The following MYOM3 variants were observed in gnomAD, a reference collection of about 807,000 sequenced individuals.
MYOM3 encodes the protein myomesin-3.
A neutral mutation model predicts 191.7 loss-of-function variants in MYOM3; 155 were observed. The ratio of observed to expected loss-of-function variants is 0.81; its 90% CI spans 0.71 to 0.92. The LOEUF is 0.92. Ranked by LOEUF, MYOM3 falls within the 40% of genes least tolerant of loss-of-function variation. The pLI is 0.00. For synonymous variants in MYOM3, 757 were observed against 762.9 expected (o/e 0.99, Z 0.13); for missense variants, 1,889 against 1,890.6 (o/e 1.00, Z 0.02).
intron 9 of MYOM3, among the ~76,000 whole-genome samples, chr1:24,093,871 T>C (rs950987515): frequency 3.9e-5 from 6 of 152,160 alleles, no homozygotes; most frequent in African/African-American, 1.4e-4. Flanking sequence ...AGAGGGGCAC[T>C]GTACTCTGGG....
At chr1:24,085,250 A>G (rs569521731) in intron 15 of MYOM3, among the ~76,000 whole-genome samples, 26 of 148,544 alleles carry the variant, frequency 1.8e-4, no homozygotes, top group Non-Finnish European at 3.3e-4. Flanking sequence ...GGATTCATGG[A>G]TGAATAAATG....
chr1:24,076,313 T>C (rs1379879879), intron 20 of MYOM3, 40 bp from the exon 21 acceptor site: 1 of 1,468,822 alleles, frequency 6.8e-7, no homozygotes, highest in African/African-American at 1.4e-5. Context: ...AGGACAGCAG[T>C]GACTCTTCCT....
intron 15 of MYOM3, among the ~76,000 whole-genome samples, 183 bp from the exon 16 acceptor site, chr1:24,084,822 C>T (rs1465558874): frequency 6.6e-6 from 1 of 152,116 alleles, no homozygotes; most frequent in Non-Finnish European, 1.5e-5. Context: ...TCCTAAAAGT[C>T]CTCTCTCCCC....
rs1643310424 is a variant in MYOM3 at position 24,057,085 on chromosome 1, T to G, written c.*279A>C. 2 of 475,848 alleles carry G rather than the reference T, an allele frequency of 4.2e-6. No homozygotes were observed. The highest frequency in any genetic ancestry group is 7.5e-6 in the Non-Finnish European group (2 of 264,908). The allele number at this position is 475,848 out of a possible 1,614,324, so 29.5% of individuals were successfully genotyped here. On this transcript the variant is annotated 3_prime_UTR_variant, in exon 37 of 37. Coordinates refer to ENST00000374434, the MANE Select transcript of MYOM3 (RefSeq NM_152372.4). ...TAGCAGCGTACCTGACCTCTACCTATCAGATGCCAGTACTGTTAGATAGCC... is the reference window on the plus strand; with the variant it reads ...TAGCAGCGTACCTGACCTCTACCTAGCAGATGCCAGTACTGTTAGATAGCC...
chr1:24,080,618 C>G lies in MYOM3; in HGVS notation c.2408-424G>C, dbSNP rs531894302. Among the ~76,000 whole-genome samples, 45 of 152,262 alleles carry G rather than the reference C, an allele frequency of 3.0e-4. 1 individual carries two copies. The South Asian group carries it at 8.1e-3, about 27-fold the overall frequency. On this transcript the variant is annotated intron_variant, in intron 19 of 36. Coordinates refer to ENST00000374434, the MANE Select transcript of MYOM3 (RefSeq NM_152372.4). The stretch of plus-strand genomic sequence containing the variant: ...CTTAGCCTCTTTGTTCCTGTCCCCT[C>G]GTCTGTAAAATGGGGATAATAATAG...
chr1:24,094,781 C>A, intron 9 of MYOM3, 72 bp downstream of exon 9: 2 of 1,454,410 alleles, frequency 1.4e-6, no homozygotes, highest in South Asian at 1.3e-5. Context: ...CGCTAGGGGT[C>A]CTCTCTGGCT....
chr1:24,101,579 T>C (rs1220831530), intron 5 of MYOM3, among the ~76,000 whole-genome samples: 3 of 152,160 alleles, frequency 2.0e-5, no homozygotes, highest in African/African-American at 7.2e-5. Flanking sequence ...AGACCCCATC[T>C]TTACAAAATA....
chr1:24,069,555 C>T (rs77735893), intron 25 of MYOM3, among the ~76,000 whole-genome samples: 1,660 of 151,440 alleles, frequency 0.011, 26 homozygotes, highest in African/African-American at 0.039. Context: ...TGTCATTGGA[C>T]CTTTGATATA....
Position 24,076,657 on chromosome 1 carries a change from G to A in MYOM3, c.2587-384C>T, listed in dbSNP as rs867108893. 6.4e-4 allele frequency among the ~76,000 whole-genome samples: 65 copies of A among 102,100 alleles called. 13 individuals are homozygous for A. The highest frequency in any genetic ancestry group is 2.1e-3 in the African/African-American group (62 of 29,146). 67.0% of individuals were successfully genotyped at this position (102,100 alleles called of 152,430 possible). Reference sequence around the variant, plus strand: ...GCCTCCCAAGTAGCTGGGACTACAGGCGCCCGCCACTACGCCCGGCTAATT... The same window carrying A: ...GCCTCCCAAGTAGCTGGGACTACAGACGCCCGCCACTACGCCCGGCTAATT... On this transcript the variant is annotated intron_variant, in intron 20 of 36. Transcript: ENST00000374434.
At chr1:24,064,811 A>G (rs1259953096) in intron 29 of MYOM3, among the ~76,000 whole-genome samples, 1 of 152,156 alleles carries the variant, frequency 6.6e-6, no homozygotes, top group Non-Finnish European at 1.5e-5. Flanking sequence ...GATCCAAGAC[A>G]GAGGCAGCTC....
chr1:24,056,489 C>T lies in MYOM3; in HGVS notation c.*875G>A, dbSNP rs985080349. The stretch of plus-strand genomic sequence containing the variant: ...GTTCAACGGATTCTCCCACCTCGGC[C>T]TTCTGAATAGCCGGGATTACAGGCA... On this transcript the variant is annotated 3_prime_UTR_variant, in exon 37 of 37. Transcript: ENST00000374434. The T allele has an allele frequency of 6.6e-6, 1 of 152,254 alleles. No homozygotes were observed. The highest frequency in any genetic ancestry group is 6.5e-5 in the Admixed American group (1 of 15,276). The allele number at this position is 152,254 out of a possible 1,614,324, so 9.4% of individuals were successfully genotyped here.
rs1643309077 is a variant in MYOM3, at chr1:24,057,010, C to T, written c.*354G>A. The T allele has an allele frequency of 4.2e-6, 1 of 240,168 alleles. No individual in the cohort carries two copies. Among genetic ancestry groups the T allele is most frequent in the African/African-American group, 2.2e-5 (1 of 44,744 alleles). The allele number at this position is 240,168 out of a possible 1,614,324, so 14.9% of individuals were successfully genotyped here. A position where few individuals can be genotyped will look rare whatever the true frequency, so the allele number is the denominator to read the frequency against. ...ATGGCAGGGCTCATGGCCCTTGGCACTTTTGACATCTGGGGTCGGATAATT... is the reference window on the plus strand; with the variant it reads ...ATGGCAGGGCTCATGGCCCTTGGCATTTTTGACATCTGGGGTCGGATAATT... On this transcript the variant is annotated 3_prime_UTR_variant, in exon 37 of 37. Transcript: ENST00000374434.
Position 24,068,340 on chromosome 1 carries a change from T to C in MYOM3, c.3178A>G (p.Lys1060Glu). The C allele has an allele frequency of 6.2e-7, 1 of 1,614,130 alleles. No individual in the cohort carries two copies. The highest frequency in any genetic ancestry group is 2.2e-5 in the East Asian group (1 of 44,886). ...PNRKINFDRE[K>E]GLVEVIIQNL... Reference sequence around the variant, plus strand: ...TGGATGATCACTTCCACCAGGCCCTTCTCTCGGTCAAAATTGATTTTGCGG... The same window carrying C: ...TGGATGATCACTTCCACCAGGCCCTCCTCTCGGTCAAAATTGATTTTGCGG... Residue 1060 changes from lysine (K) to glutamate (E), a missense_variant, in exon 26 of 37, where the codon AAG becomes GAG. Physicochemically the swap from Lys to Glu is moderately conservative, Grantham distance 56. Coordinates refer to ENST00000374434, the MANE Select transcript of MYOM3 (RefSeq NM_152372.4).
At chr1:24,068,072 G>C (rs372026557) in intron 26 of MYOM3, 43 bp from the exon 27 acceptor site, 62 of 1,609,720 alleles carry the variant, frequency 3.9e-5, no homozygotes, top group South Asian at 1.2e-4. Context: ...CGAGAGGAGT[G>C]TGGGTCTGGA....
rs200511491 is a variant in MYOM3 at position 24,092,268 on chromosome 1, G to A, written c.1138C>T (p.Arg380Ter). The A allele has an allele frequency of 3.0e-4, 413 of 1,396,652 alleles. No homozygotes were observed. Among genetic ancestry groups the A allele is most frequent in the Non-Finnish European group, 3.7e-4 (390 of 1,065,640 alleles). 86.5% of individuals were successfully genotyped at this position (1,396,652 alleles called of 1,614,324 possible). A position where few individuals can be genotyped will look rare whatever the true frequency, so the allele number is the denominator to read the frequency against. Residue 380 changes from arginine to a stop codon, truncating the protein, a stop_gained, in exon 11 of 37, where the codon CGA becomes TGA. Transcript: ENST00000374434. LOFTEE classifies it high-confidence loss of function. ...PGAPGSPLNV[R>*]CLDVNRDCLI... is the part of the protein sequence containing the mutation. ...CAGTCTCTGTTCACATCCAGGCATC[G>A]GACGTTCAGTGGGGAGCCTGGGGCC...
chr1:24,063,375 C>A lies in MYOM3; in HGVS notation c.3661+117G>T. The A allele has an allele frequency of 1.4e-6, 2 of 1,426,560 alleles. No individual in the cohort carries two copies. The highest frequency in any genetic ancestry group is 2.0e-6 in the Non-Finnish European group (2 of 1,013,048). 88.4% of individuals were successfully genotyped at this position (1,426,560 alleles called of 1,614,324 possible). A position where few individuals can be genotyped will look rare whatever the true frequency, so the allele number is the denominator to read the frequency against. On this transcript the variant is annotated intron_variant, in intron 31 of 36. Transcript: ENST00000374434. The surrounding 1 kb of genome is among the most constrained non-coding windows in gnomAD (Gnocchi z 4.5). ...CTGTGAAGAGGCGGGATTTTCTCTTCGGTGTTTGAGGTTAGAAACTAAACC... is the reference window on the plus strand; with the variant it reads ...CTGTGAAGAGGCGGGATTTTCTCTTAGGTGTTTGAGGTTAGAAACTAAACC...
At position 24,061,291 on chromosome 1, in the gene MYOM3, G is replaced by A; in HGVS notation, c.3953C>T (p.Ala1318Val). The change falls in exon 34 of 37, where the codon GCT becomes GTT. Residue 1318 changes from alanine (A) to valine (V), a missense_variant. Coordinates refer to ENST00000374434, the MANE Select transcript of MYOM3 (RefSeq NM_152372.4). ...LSGQAFEDAM[A>V]EHQRLKTLAI... ...AACTTACTTCAGTCTCTGGTGTTCA[G>A]CCATTGCATCCTCAAAAGCTATAAG... The A allele has an allele frequency of 6.2e-7, 1 of 1,614,088 alleles. No homozygotes were observed. The highest frequency in any genetic ancestry group is 2.2e-5 in the East Asian group (1 of 44,854).
rs140144262 is a variant in MYOM3 at position 24,086,689 on chromosome 1, C to T, written c.1753G>A (p.Asp585Asn). 2.2e-5 allele frequency: 36 copies of T among 1,614,016 alleles called. No individual in the cohort carries two copies. Among genetic ancestry groups the T allele is most frequent in the African/African-American group, 2.7e-5 (2 of 74,922 alleles). ...VRAMNQYGLS[D>N]PSEPSEPIAL... ...ATGGGTTCGCTGGGCTCCGAGGGATCGCTCAGGCCATACTGGTTCATTGCT... is the reference window on the plus strand; with the variant it reads ...ATGGGTTCGCTGGGCTCCGAGGGATTGCTCAGGCCATACTGGTTCATTGCT... The change falls in exon 15 of 37, where the codon GAT (aspartate) becomes AAT (asparagine). Residue 585 changes from aspartate to asparagine, a missense_variant. Coordinates refer to ENST00000374434, the MANE Select transcript of MYOM3 (RefSeq NM_152372.4).
chr1:24,075,425 C>G lies in MYOM3; in HGVS notation c.2752G>C (p.Ala918Pro). ...TCGGGGGCTTCAGGGGCTTCAAAAG[C>G]CAAATAGATAAAGCCCTCTTCATCC... ...GVDEEGFIYL[A>P]FEAPEAPDSS... The change falls in exon 22 of 37, where the codon GCT (alanine) becomes CCT (proline). Residue 918 changes from alanine to proline, a missense_variant. Transcript: ENST00000374434. The G allele has an allele frequency of 1.2e-6, 2 of 1,608,636 alleles. No individual in the cohort carries two copies. Among genetic ancestry groups the G allele is most frequent in the Non-Finnish European group, 1.7e-6 (2 of 1,178,362 alleles).
Sources: gnomAD v4.1 joint callset for allele counts (sites outside exome capture counted in the v4.1 genomes callset) on GRCh38, gnomAD v4.1.1 for gene constraint, Gnocchi (gnomAD v3.1) non-coding constraint, MANE v1.5 for transcripts, NCBI Gene and HGNC (gene_info 2026-07-23, HGNC 2026-07-21) for gene names.